The following RIC1 variants were observed in gnomAD, a reference collection of about 807,000 sequenced individuals.
RIC1 encodes RIC1 partner of RAB6A GEF complex, also known as guanine nucleotide exchange factor subunit RIC1.
A neutral mutation model predicts 169.0 loss-of-function variants in RIC1; 88 were observed. The ratio of observed to expected loss-of-function variants is 0.52; its 90% CI spans 0.44 to 0.62. The LOEUF is 0.62. Ranked by LOEUF, RIC1 falls within the 20% of genes least tolerant of loss-of-function variation. The pLI, the probability that RIC1 is intolerant of heterozygous loss-of-function variation, is 0.00. For missense variants in RIC1, 1,877 were observed against 1,725.5 expected (o/e 1.09, Z -1.56); for synonymous variants, 790 against 601.5 (o/e 1.31, Z -4.59).
At chr9:5,699,906 A>G (rs1822115734) in intron 3 of RIC1, among the ~76,000 whole-genome samples, 1 of 152,246 alleles carries the variant, frequency 6.6e-6, no homozygotes, top group African/African-American at 2.4e-5. Flanking sequence ...AGTTTTATAT[A>G]GTCAGTGATG....
At chr9:5,719,360 T>C (rs1414805167) in intron 4 of RIC1, 2 of 152,222 alleles carry the variant, frequency 1.3e-5, no homozygotes, top group Non-Finnish European at 2.9e-5. Flanking sequence ...ATTAAAGAAG[T>C]AAATGCTGAA....
At chr9:5,667,950 G>T (rs1819878816) in intron 2 of RIC1, among the ~76,000 whole-genome samples, 2 of 152,160 alleles carry the variant, frequency 1.3e-5, no homozygotes, top group Non-Finnish European at 2.9e-5. Context: ...TCTTTCTCAT[G>T]CTGCTATAAA....
At chr9:5,674,181 A>G (rs1384008831) in intron 2 of RIC1, among the ~76,000 whole-genome samples, 2 of 152,166 alleles carry the variant, frequency 1.3e-5, no homozygotes, top group Non-Finnish European at 2.9e-5. Flanking sequence ...GTGAATGGTG[A>G]AACTATTGGC....
chr9:5,639,057 A>T (rs1818111228), intron 1 of RIC1, among the ~76,000 whole-genome samples: 1 of 152,114 alleles, frequency 6.6e-6, no homozygotes, highest in Admixed American at 6.5e-5. Flanking sequence ...TTGGGACTAC[A>T]GTTGCATGCC....
At chr9:5,647,936 G>GGGTGGTGATGGTGGTGGTGGT (rs1554658158) in intron 1 of RIC1, among the ~76,000 whole-genome samples, 3 of 121,292 alleles carry the variant, frequency 2.5e-5, no homozygotes, top group African/African-American at 8.9e-5. Context: ...GTGTGGGGGT[G>GGGTGGTGATGGTGGTGGTGGT]GGTGGTGGTG....
At chr9:5,773,140 T>C in intron 25 of RIC1, 60 bp downstream of exon 25, 1 of 1,055,134 alleles carries the variant, frequency 9.5e-7, no homozygotes, top group Non-Finnish European at 1.3e-6. Context: ...ATCCTGTCCT[T>C]TCACATTAAG....
At position 5,772,761 on chromosome 9, in the gene RIC1, G is replaced by A; in HGVS notation, c.3794+20G>A. The A allele has an allele frequency of 1.9e-6, 3 of 1,593,786 alleles. No homozygotes were observed. Among genetic ancestry groups the A allele is most frequent in the Non-Finnish European group, 1.7e-6 (2 of 1,170,696 alleles). ...GCTTCGGTGAGTTTCTTGGCTATTT[G>A]AAATCACAGAATGCCTACTCAGAGT... On this transcript the variant is annotated intron_variant, in intron 24 of 25. Coordinates refer to ENST00000414202, the MANE Select transcript of RIC1 (RefSeq NM_020829.4).
At chr9:5,687,100 T>G (rs957084603) in intron 2 of RIC1, among the ~76,000 whole-genome samples, 1 of 152,176 alleles carries the variant, frequency 6.6e-6, no homozygotes, top group African/African-American at 2.4e-5. Flanking sequence ...AATTTGTCCA[T>G]CTCATCCAAG....
At chr9:5,678,344 G>C (rs542494986) in intron 2 of RIC1, among the ~76,000 whole-genome samples, 1 of 151,960 alleles carries the variant, frequency 6.6e-6, no homozygotes, top group Admixed American at 6.6e-5. Flanking sequence ...ATGATTTATA[G>C]TCATTTGGGT....
At chr9:5,768,724 C>G (rs1444021338) in intron 21 of RIC1, among the ~76,000 whole-genome samples, 1 of 152,190 alleles carries the variant, frequency 6.6e-6, no homozygotes, top group Non-Finnish European at 1.5e-5. Context: ...CCTGGTCTGA[C>G]TTCTTCTGTC....
chr9:5,695,317 A>G (rs1821823587), intron 3 of RIC1, among the ~76,000 whole-genome samples: 1 of 152,208 alleles, frequency 6.6e-6, no homozygotes, highest in African/African-American at 2.4e-5. Context: ...TAGCTGTAAA[A>G]ATGAAAATAC....
intron 3 of RIC1, among the ~76,000 whole-genome samples, chr9:5,711,330 A>G (rs1176396498): frequency 6.6e-6 from 1 of 152,084 alleles, no homozygotes; most frequent in Non-Finnish European, 1.5e-5. Context: ...TATTAAAGCA[A>G]CTTTCATATA....
chr9:5,664,451 T>TG (rs1819635461), intron 2 of RIC1, among the ~76,000 whole-genome samples: 1 of 152,118 alleles, frequency 6.6e-6, no homozygotes, highest in Non-Finnish European at 1.5e-5. Flanking sequence ...CAATCTCTTC[T>TG]GGCTTTTAGG....
chr9:5,676,847 C>T (rs758815392), intron 2 of RIC1, among the ~76,000 whole-genome samples: 32 of 152,200 alleles, frequency 2.1e-4, no homozygotes, highest in Non-Finnish European at 3.5e-4. Flanking sequence ...TTTTGAGATT[C>T]ATCCATTTTG....
chr9:5,773,655 G>C (rs1296519244), intron 25 of RIC1, among the ~76,000 whole-genome samples: 1 of 152,186 alleles, frequency 6.6e-6, no homozygotes, highest in African/African-American at 2.4e-5. Context: ...CCTTTTTCAA[G>C]TCTAAGCTCC....
chr9:5,666,182 G>A (rs186836880), intron 2 of RIC1, among the ~76,000 whole-genome samples: 6 of 152,232 alleles, frequency 3.9e-5, no homozygotes, highest in East Asian at 3.9e-4. Flanking sequence ...GAGGTCTCAC[G>A]TAAAGAAGCA....
intron 2 of RIC1, among the ~76,000 whole-genome samples, chr9:5,659,345 T>A (rs1819304171): frequency 6.6e-6 from 1 of 152,170 alleles, no homozygotes; most frequent in Admixed American, 6.6e-5. Flanking sequence ...CCTCCAATTT[T>A]ATTGTTGTAT....
chr9:5,708,801 C>A (rs1331572341), intron 3 of RIC1, among the ~76,000 whole-genome samples: 3 of 152,090 alleles, frequency 2.0e-5, no homozygotes, highest in Admixed American at 6.6e-5. Flanking sequence ...AAGTTTGTAA[C>A]CATGATTTCT....
intron 2 of RIC1, among the ~76,000 whole-genome samples, chr9:5,669,713 T>C (rs572901328): frequency 3.9e-5 from 6 of 152,216 alleles, no homozygotes; most frequent in Non-Finnish European, 7.4e-5. Flanking sequence ...GTTCTTGCAG[T>C]GGCAAAGAGA....
Sources: gnomAD v4.1 joint callset for allele counts (sites outside exome capture counted in the v4.1 genomes callset) on GRCh38, gnomAD v4.1.1 for gene constraint, MANE v1.5 for transcripts, NCBI Gene and HGNC (gene_info 2026-07-23, HGNC 2026-07-21) for gene names.